Variants in IPCEF1 observed in about 807,000 individuals in gnomAD.
The protein encoded by IPCEF1 is interaction protein for cytohesin exchange factors 1.
In IPCEF1, 31 loss-of-function variants were observed where a neutral mutation model predicts 50.9. The observed-to-expected ratio is 0.61, with a 90% CI of 0.46 to 0.82. IPCEF1 has a LOEUF of 0.82. Among genes scored for constraint, IPCEF1 ranks in the 40% least tolerant of loss-of-function variants. IPCEF1 has a pLI of 0.00. For missense variants in IPCEF1, 458 were observed against 514.0 expected (o/e 0.89, Z 1.05); for synonymous variants, 181 against 192.0 (o/e 0.94, Z 0.47).
intron 3 of IPCEF1, among the ~76,000 whole-genome samples, chr6:154,255,863 A>T (rs1044038544): frequency 6.6e-6 from 1 of 152,188 alleles, no homozygotes; most frequent in African/African-American, 2.4e-5. Flanking sequence ...TAAATTTTTT[A>T]AAAACCAACT....
At chr6:154,324,605 T>G (rs1203834480) in intron 1 of IPCEF1, among the ~76,000 whole-genome samples, 5 of 151,984 alleles carry the variant, frequency 3.3e-5, no homozygotes, top group Non-Finnish European at 7.4e-5. Flanking sequence ...GTCAGGAGTT[T>G]GAGACCAGCC....
chr6:154,296,602 G>A (rs1309122260), intron 1 of IPCEF1, among the ~76,000 whole-genome samples: 3 of 152,072 alleles, frequency 2.0e-5, no homozygotes, highest in Non-Finnish European at 4.4e-5. Flanking sequence ...GGCCGAGGAG[G>A]GCAGATCACG....
chr6:154,232,657 A>G (rs1302868323), intron 5 of IPCEF1, among the ~76,000 whole-genome samples: 2 of 152,282 alleles, frequency 1.3e-5, no homozygotes, highest in East Asian at 3.9e-4. Context: ...CAGTCAACAC[A>G]TGGCACAGAA....
At chr6:154,233,486 G>A (rs1779879626) in intron 5 of IPCEF1, among the ~76,000 whole-genome samples, 1 of 152,060 alleles carries the variant, frequency 6.6e-6, no homozygotes, top group South Asian at 2.1e-4. Flanking sequence ...TAGATCCAGA[G>A]AGACTTTTTT....
chr6:154,348,528 G>A (rs1251111162), intron 1 of IPCEF1, among the ~76,000 whole-genome samples: 1 of 152,174 alleles, frequency 6.6e-6, no homozygotes, highest in Non-Finnish European at 1.5e-5. Flanking sequence ...GAAAATATTA[G>A]GTACTCAATA....
At chr6:154,315,565 T>A (rs1783194958) in intron 1 of IPCEF1, among the ~76,000 whole-genome samples, 1 of 152,144 alleles carries the variant, frequency 6.6e-6, no homozygotes, top group African/African-American at 2.4e-5. Context: ...ATTTCCTTTG[T>A]GGTAACGATC....
In IPCEF1 at chr6:154,189,000, A is replaced by G. The variant is rs112177742; in HGVS notation, c.910+10668T>C. Among the ~76,000 whole-genome samples, 832 of 152,340 alleles carry G rather than the reference A, an allele frequency of 5.5e-3. 4 individuals carry two copies. Among genetic ancestry groups the G allele is most frequent in the Non-Finnish European group, 8.3e-3 (564 of 68,028 alleles). On this transcript the variant is annotated intron_variant, in intron 10 of 11. Transcript: ENST00000367220. Reference sequence around the variant, plus strand: ...TTTAATCACTTTAAAACTGAGTTCTATTTATTAAAAGATACTACTTTACAA... The same window carrying G: ...TTTAATCACTTTAAAACTGAGTTCTGTTTATTAAAAGATACTACTTTACAA...
At chr6:154,344,468 T>A (rs920737295) in intron 1 of IPCEF1, among the ~76,000 whole-genome samples, 1 of 152,154 alleles carries the variant, frequency 6.6e-6, no homozygotes, top group African/African-American at 2.4e-5. Context: ...CCCCAGTGAC[T>A]TTGGGGCATG....
At chr6:154,347,481 T>C (rs1036718767) in intron 1 of IPCEF1, among the ~76,000 whole-genome samples, 1 of 152,226 alleles carries the variant, frequency 6.6e-6, no homozygotes, top group Admixed American at 6.5e-5. Context: ...GTAAAGCCTT[T>C]AACACCGTCC....
chr6:154,336,440 T>C (rs1468766469), intron 1 of IPCEF1, among the ~76,000 whole-genome samples: 1 of 152,288 alleles, frequency 6.6e-6, no homozygotes, highest in East Asian at 1.9e-4. Context: ...TATCACATGT[T>C]CTCACTCACA....
intron 1 of IPCEF1, among the ~76,000 whole-genome samples, chr6:154,307,988 G>C (rs1782979516): frequency 6.6e-6 from 1 of 152,230 alleles, no homozygotes; most frequent in Non-Finnish European, 1.5e-5. Context: ...AGAAAGGTAA[G>C]GGGTGGCTTG....
intron 10 of IPCEF1, among the ~76,000 whole-genome samples, chr6:154,171,810 T>TA (rs1185190096): frequency 2.0e-5 from 3 of 152,172 alleles, no homozygotes; most frequent in Non-Finnish European, 4.4e-5. Context: ...ATTGAAGACT[T>TA]AGAGTTTTCA....
chr6:154,282,410 C>T lies in IPCEF1; in HGVS notation c.-18+7303G>A, dbSNP rs182717884. 4.6e-4 allele frequency among the ~76,000 whole-genome samples: 70 copies of T among 152,168 alleles called. No homozygotes were observed. The South Asian group carries it at 4.8e-3, about 10-fold the overall frequency. ...AGAAGTAGATGGATCAGGCAGGGCG[C>T]GGTGGCTCACGCCTGTAATCCCAGC... is the stretch of plus-strand genomic sequence containing the variant. On this transcript the variant is annotated intron_variant, in intron 2 of 11. Transcript: ENST00000367220.
chr6:154,265,188 A>T (rs1228747124), intron 3 of IPCEF1, among the ~76,000 whole-genome samples: 1 of 152,158 alleles, frequency 6.6e-6, no homozygotes, highest in African/African-American at 2.4e-5. Context: ...TCTAATAGAG[A>T]TTATATACTT....
At chr6:154,175,925 A>T (rs1800286271) in intron 10 of IPCEF1, among the ~76,000 whole-genome samples, 1 of 152,232 alleles carries the variant, frequency 6.6e-6, no homozygotes, top group African/African-American at 2.4e-5. Flanking sequence ...AATCCTCAAT[A>T]AAATACTGGC....
At chr6:154,281,184 CAAAAAAAAAA>C (rs35597942) in intron 2 of IPCEF1, among the ~76,000 whole-genome samples, 3 of 59,160 alleles carry the variant, frequency 5.1e-5, no homozygotes, top group African/African-American at 1.3e-4. Flanking sequence ...TACTAAAATA[CAAAAAAAAAA>C]AAAAAAAAAA....
chr6:154,288,696 A>C (rs867621791), intron 2 of IPCEF1, among the ~76,000 whole-genome samples: 75 of 142,810 alleles, frequency 5.3e-4, no homozygotes, highest in African/African-American at 1.9e-3. Context: ...AAAAAAAAAA[A>C]AAAAAAAAAC....
chr6:154,278,718 T>TAA (rs914319788), intron 2 of IPCEF1, among the ~76,000 whole-genome samples: 3 of 151,168 alleles, frequency 2.0e-5, no homozygotes, highest in African/African-American at 7.4e-5. Context: ...AAAACAATGG[T>TAA]AAAAATATAT....
rs1227249593 is a variant in IPCEF1, at chr6:154,227,914, C to T, written c.247-4671G>A. On this transcript the variant is annotated intron_variant, in intron 5 of 11. Transcript: ENST00000367220. ...TATAAGCAGAAGCTTTTTTTTTATT[C>T]TGAAGACAGTTGAGCTATATTCAAA... Among the ~76,000 whole-genome samples, 5 of 151,060 alleles carry T rather than the reference C, an allele frequency of 3.3e-5. No homozygotes were observed. In the East Asian group the frequency reaches 7.8e-4, roughly 23 times the overall value.
Sources: allele counts gnomAD v4.1 joint callset (sites outside exome capture counted in the v4.1 genomes callset), GRCh38; gene constraint gnomAD v4.1.1; transcripts MANE v1.5; gene names NCBI Gene and HGNC (gene_info 2026-07-23, HGNC 2026-07-21).